FMNL2: variants seen among roughly 807,000 people sequenced by gnomAD.
FMNL2 encodes the protein formin-like protein 2.
A neutral mutation model predicts 130.2 loss-of-function variants in FMNL2; 51 were observed. The ratio of observed to expected loss-of-function variants is 0.39; its 90% CI spans 0.31 to 0.49. The LOEUF is 0.49. FMNL2 is among the 20% of genes least tolerant of loss of function. FMNL2 has a pLI of 0.85. For synonymous variants in FMNL2, 465 were observed against 467.1 expected (o/e 1.00, Z 0.06); for missense variants, 977 against 1,316.2 (o/e 0.74, Z 3.99).
At chr2:152,513,194 G>T (rs905502140) in intron 1 of FMNL2, among the ~76,000 whole-genome samples, 4 of 152,158 alleles carry the variant, frequency 2.6e-5, no homozygotes, top group African/African-American at 9.6e-5. Context: ...TTTCATCGTT[G>T]TGTGAACACC....
At chr2:152,453,252 C>T (rs763571390) in intron 1 of FMNL2, among the ~76,000 whole-genome samples, 17 of 151,874 alleles carry the variant, frequency 1.1e-4, no homozygotes, top group Non-Finnish European at 2.4e-4. Flanking sequence ...AAAGAAAATA[C>T]GGCTGAATGA....
At chr2:152,343,337 C>A (rs185645080) in intron 1 of FMNL2, among the ~76,000 whole-genome samples, 108 of 152,316 alleles carry the variant, frequency 7.1e-4, no homozygotes, top group Non-Finnish European at 9.0e-4. Flanking sequence ...CTTCTGTCAT[C>A]TGGGCTGGCG....
chr2:152,443,338 G>A (rs1688164528), intron 1 of FMNL2, among the ~76,000 whole-genome samples: 1 of 152,144 alleles, frequency 6.6e-6, no homozygotes, highest in African/African-American at 2.4e-5. Context: ...TACCACTTTG[G>A]GAACCATCAG....
intron 1 of FMNL2, among the ~76,000 whole-genome samples, chr2:152,413,604 G>C (rs1286688442): frequency 6.6e-6 from 1 of 152,164 alleles, no homozygotes; most frequent in Non-Finnish European, 1.5e-5. Context: ...CAGAAAAGTA[G>C]TTAGGCAGTT....
At chr2:152,363,505 G>A (rs1683302242) in intron 1 of FMNL2, among the ~76,000 whole-genome samples, 1 of 151,918 alleles carries the variant, frequency 6.6e-6, no homozygotes, top group Admixed American at 6.6e-5. Flanking sequence ...GAAGTGCTTT[G>A]TAGAATAATC....
At chr2:152,474,838 A>G (rs1418181674) in intron 1 of FMNL2, among the ~76,000 whole-genome samples, 2 of 152,166 alleles carry the variant, frequency 1.3e-5, no homozygotes, top group African/African-American at 4.8e-5. Flanking sequence ...TCTTTATCTG[A>G]TGTCTGGGAA....
intron 1 of FMNL2, among the ~76,000 whole-genome samples, chr2:152,456,682 G>A (rs1035038355): frequency 1.3e-5 from 2 of 152,078 alleles, no homozygotes; most frequent in African/African-American, 2.4e-5. Flanking sequence ...GGTAGCTCAC[G>A]CCTGTAATCC....
intron 20 of FMNL2, among the ~76,000 whole-genome samples, chr2:152,631,238 T>G (rs1020481374): frequency 1.3e-5 from 2 of 151,220 alleles, no homozygotes; most frequent in Non-Finnish European, 2.9e-5. Context: ...ATAGGAAAAT[T>G]AGCTGGGCTA....
intron 10 of FMNL2, among the ~76,000 whole-genome samples, chr2:152,608,824 C>T (rs776374469): frequency 1.8e-4 from 28 of 152,056 alleles, no homozygotes; most frequent in Non-Finnish European, 3.4e-4. Flanking sequence ...AACCTACAGG[C>T]TTATGAGTTC....
At chr2:152,398,270 C>T (rs2105952095) in intron 1 of FMNL2, among the ~76,000 whole-genome samples, 1 of 152,270 alleles carries the variant, frequency 6.6e-6, no homozygotes, top group Middle Eastern at 3.4e-3. Flanking sequence ...AGGTAGTGGG[C>T]TGTGTGAAAA....
At chr2:152,646,896 C>T (rs1344986086) in intron 25 of FMNL2, among the ~76,000 whole-genome samples, 1 of 152,178 alleles carries the variant, frequency 6.6e-6, no homozygotes, top group Non-Finnish European at 1.5e-5. Flanking sequence ...CTGACTTACT[C>T]AAGAAAGCAT....
At position 152,524,281 on chromosome 2, in the gene FMNL2, T is replaced by C. The variant is rs528249288; in HGVS notation, c.201+2255T>C. 2.0e-5 allele frequency among the ~76,000 whole-genome samples: 3 copies of C among 152,340 alleles called. No individual in the cohort carries two copies. In the East Asian group the frequency reaches 5.8e-4, roughly 29 times the overall value. ...AGATTAAATCCCAAAGAGCTTTCTATAGTAACAATATTGCAGAAATGCCTC... is the reference window on the plus strand; with the variant it reads ...AGATTAAATCCCAAAGAGCTTTCTACAGTAACAATATTGCAGAAATGCCTC... On this transcript the variant is annotated intron_variant, in intron 2 of 25. Transcript: ENST00000288670.
chr2:152,485,574 A>G (rs1173781195), intron 1 of FMNL2, among the ~76,000 whole-genome samples: 1 of 152,194 alleles, frequency 6.6e-6, no homozygotes, highest in African/African-American at 2.4e-5. Flanking sequence ...ATAGTTTTCA[A>G]CCTCTAACTG....
At chr2:152,403,786 AG>A (rs1381158929) in intron 1 of FMNL2, among the ~76,000 whole-genome samples, 1 of 152,290 alleles carries the variant, frequency 6.6e-6, no homozygotes, top group East Asian at 1.9e-4. Flanking sequence ...AAATAAATGT[AG>A]GGCCGGGCAC....
chr2:152,340,853 G>A (rs1056400255), intron 1 of FMNL2, among the ~76,000 whole-genome samples: 5 of 152,040 alleles, frequency 3.3e-5, no homozygotes, highest in East Asian at 1.9e-4. Flanking sequence ...CACCATGCCC[G>A]GCTGATTTTT....
chr2:152,559,093 C>CATAT (rs1159427598), intron 5 of FMNL2, among the ~76,000 whole-genome samples: 2 of 152,292 alleles, frequency 1.3e-5, no homozygotes, highest in Admixed American at 1.3e-4. Flanking sequence ...GCTTAAGTTA[C>CATAT]ATATATGGAA....
intron 1 of FMNL2, among the ~76,000 whole-genome samples, chr2:152,357,909 A>G (rs562877104): frequency 3.3e-4 from 51 of 152,296 alleles, no homozygotes; most frequent in African/African-American, 1.2e-3. Context: ...GGATTGAAGG[A>G]TGCAAAGTGT....
chr2:152,493,129 A>T (rs1691307328), intron 1 of FMNL2, among the ~76,000 whole-genome samples: 1 of 152,210 alleles, frequency 6.6e-6, no homozygotes, highest in Admixed American at 6.5e-5. Context: ...AATAAGTTCT[A>T]GGTGGTATGG....
At chr2:152,349,250 C>T (rs563521208) in intron 1 of FMNL2, among the ~76,000 whole-genome samples, 7 of 152,310 alleles carry the variant, frequency 4.6e-5, no homozygotes, top group South Asian at 2.1e-4. Context: ...ACTAAAACTC[C>T]GGGGTGCATT....
Sources: allele counts gnomAD v4.1 joint callset (sites outside exome capture counted in the v4.1 genomes callset), GRCh38; gene constraint gnomAD v4.1.1; transcripts MANE v1.5; gene names NCBI Gene and HGNC (gene_info 2026-07-23, HGNC 2026-07-21).